ATG4B: variants seen among roughly 807,000 people sequenced by gnomAD.
The protein encoded by ATG4B is autophagy related 4B cysteine peptidase, also known as cysteine protease ATG4B.
ATG4B carries 29 observed loss-of-function variants against 56.6 expected under a neutral mutation model. The ratio of observed to expected loss-of-function variants is 0.51; its 90% CI spans 0.38 to 0.70. The LOEUF (loss-of-function observed/expected upper bound fraction) is 0.70. Ranked by LOEUF, ATG4B falls within the 30% of genes least tolerant of loss-of-function variation. The probability of loss-of-function intolerance (pLI) is 0.00; values close to 1 mark genes in which losing one functional copy is unlikely to be tolerated. For missense variants in ATG4B, 461 were observed against 515.5 expected, an observed-to-expected ratio of 0.89 and a Z score of 1.02; for synonymous variants, 224 against 206.1, an observed-to-expected ratio of 1.09 and a Z score of -0.74.
In ATG4B at chr2:241,655,263, C is replaced by T. The variant is rs995715972; in HGVS notation, c.386-8C>T. ...TGTGTGTTGCTAATGTGTATCTGTT[C>T]CCTGCAGCGCAAATGGGAGTTGGCG... On this transcript the variant is annotated splice_region_variant and splice_polypyrimidine_tract_variant and intron_variant, in intron 5 of 12. Transcript: ENST00000404914. 6.2e-7 allele frequency: 1 copy of T among 1,608,564 alleles called. No homozygotes were observed. The highest frequency in any genetic ancestry group is 1.7e-5 in the Admixed American group (1 of 59,208).
intron 7 of ATG4B, among the ~76,000 whole-genome samples, chr2:241,666,217 G>A (rs972508943): frequency 2.0e-5 from 3 of 152,204 alleles, no homozygotes; most frequent in Non-Finnish European, 2.9e-5. Flanking sequence ...TGTGTCCTCC[G>A]GACCATTGAC....
At chr2:241,665,121 A>G (rs1490942044) in intron 7 of ATG4B, among the ~76,000 whole-genome samples, 3 of 152,204 alleles carry the variant, frequency 2.0e-5, no homozygotes, top group Non-Finnish European at 4.4e-5. Context: ...CCCCGTCTCT[A>G]AAAGAAATTT....
rs896919434 is a variant in ATG4B at position 241,661,696 on chromosome 2, A to G, written c.538+2509A>G. On this transcript the variant is annotated intron_variant, in intron 7 of 12. Transcript: ENST00000404914. ...GTGTTCCCACTCAGATTTTAGGTGA[A>G]GCCTGTGGGGTAAGGGGAGACCTTA... 2.6e-5 allele frequency among the ~76,000 whole-genome samples: 4 copies of G among 152,166 alleles called. No individual in the cohort carries two copies. In the East Asian group the frequency reaches 7.7e-4, roughly 29 times the overall value.
chr2:241,655,152 T>G, intron 5 of ATG4B, 119 bp from the exon 6 acceptor site: 2 of 953,792 alleles, frequency 2.1e-6, no homozygotes, highest in South Asian at 3.0e-5. Flanking sequence ...TCCTTCCGTC[T>G]GGAGGCTGGG....
chr2:241,671,584 GC>G (rs1334510249), intron 12 of ATG4B, 179 bp downstream of exon 12: 1 of 1,520,284 alleles, frequency 6.6e-7, no homozygotes, highest in Non-Finnish European at 8.8e-7. Flanking sequence ...CTCCAAGCTT[GC>G]GCCCAGCAGC....
intron 3 of ATG4B, among the ~76,000 whole-genome samples, chr2:241,653,149 A>C (rs563193933): frequency 6.6e-6 from 1 of 152,244 alleles, no homozygotes; most frequent in Admixed American, 6.5e-5. Flanking sequence ...GATGTCATCA[A>C]GCGTTTGAAT....
rs541550072 is a variant in ATG4B at position 241,651,032 on chromosome 2, C to G, written c.33C>G (p.Leu11=). The G allele has an allele frequency of 1.9e-6, 3 of 1,613,788 alleles. No homozygotes were observed. The African/African-American group carries it at 4.0e-5, about 22-fold the overall frequency. MDAATLTYDT[L]RFAEFEDFPE... is the part of the protein sequence containing the mutation. ...CAGCTACTCTGACCTACGACACTCTCCGGTTTGCTGAGTTTGAAGATTTTC... is the reference window on the plus strand; with the variant it reads ...CAGCTACTCTGACCTACGACACTCTGCGGTTTGCTGAGTTTGAAGATTTTC... Residue 11 remains leucine (L), a synonymous_variant, in exon 2 of 13, where the codon CTC becomes CTG. Transcript: ENST00000404914. The surrounding 1 kb of genome is among the most constrained non-coding windows in gnomAD (Gnocchi z 4.1).
At chr2:241,639,148 C>T (rs898207486) in intron 1 of ATG4B, among the ~76,000 whole-genome samples, 1 of 152,312 alleles carries the variant, frequency 6.6e-6, no homozygotes, top group East Asian at 1.9e-4. Flanking sequence ...AGTGCCGGGT[C>T]CCGCCAGCTG....
In ATG4B at chr2:241,651,426, C is replaced by A. The variant is rs1418278097; in HGVS notation, c.184+91C>A. 2.0e-6 allele frequency: 2 copies of A among 987,406 alleles called. No homozygotes were observed. The highest frequency in any genetic ancestry group is 3.3e-5 in the African/African-American group (2 of 61,246). 61.2% of individuals were successfully genotyped at this position (987,406 alleles called of 1,614,324 possible). A position where few individuals can be genotyped will look rare whatever the true frequency, so the allele number is the denominator to read the frequency against. On this transcript the variant is annotated intron_variant, in intron 3 of 12. Coordinates refer to ENST00000404914, the MANE Select transcript of ATG4B (RefSeq NM_013325.5). The surrounding 1 kb of genome is among the most constrained non-coding windows in gnomAD (Gnocchi z 4.1). ...TTGTAGATTTGACTTCAATATGCCA[C>A]TGACTTCATTTGAATCTTCACAGCA... is the stretch of plus-strand genomic sequence containing the variant.
intron 8 of ATG4B, chr2:241,667,737 C>T (rs976728153): frequency 5.8e-6 from 1 of 172,504 alleles, no homozygotes; most frequent in Non-Finnish European, 1.2e-5. Context: ...GTTGTCTGAA[C>T]TTGGCCCCTC....
chr2:241,653,270 C>T (rs1399110647), intron 3 of ATG4B: 20 of 1,432,290 alleles, frequency 1.4e-5, no homozygotes, highest in Admixed American at 9.9e-5. Context: ...CCTTTTGCTC[C>T]GTGACTGACT....
intron 1 of ATG4B, among the ~76,000 whole-genome samples, chr2:241,648,466 A>G (rs1470024696): frequency 6.6e-6 from 1 of 152,088 alleles, no homozygotes; most frequent in Non-Finnish European, 1.5e-5. Flanking sequence ...GTGGTGGCAC[A>G]TGCCTGTAGT....
At chr2:241,654,419 T>TA (rs201525288) in intron 4 of ATG4B, 127 bp from the exon 5 acceptor site, 6,976 of 436,262 alleles carry the variant, frequency 0.016, 2 homozygotes, top group Non-Finnish European at 0.02. Flanking sequence ...AGACTCTGTT[T>TA]AAAAAAAAAA....
intron 7 of ATG4B, chr2:241,659,399 T>C (rs1345392533): frequency 3.1e-6 from 2 of 646,602 alleles, no homozygotes; most frequent in Non-Finnish European, 5.9e-6. Context: ...GCCCAGGCTG[T>C]CTGGAGGCCG....
At chr2:241,638,713 A>G (rs780277390) in intron 1 of ATG4B, among the ~76,000 whole-genome samples, 7 of 152,212 alleles carry the variant, frequency 4.6e-5, no homozygotes, top group Non-Finnish European at 8.8e-5. Flanking sequence ...ATCTATTAAA[A>G]TGATTTGTAG....
intron 1 of ATG4B, among the ~76,000 whole-genome samples, chr2:241,640,452 A>G (rs766542507): frequency 6.6e-6 from 1 of 152,230 alleles, no homozygotes; most frequent in Non-Finnish European, 1.5e-5. Context: ...TGTGTAATAC[A>G]GTTTCTGTTC....
chr2:241,654,338 T>A (rs1267499172), intron 4 of ATG4B, among the ~76,000 whole-genome samples: 1 of 150,718 alleles, frequency 6.6e-6, no homozygotes, highest in Non-Finnish European at 1.5e-5. Context: ...GGAGAATCGC[T>A]TGAACCCGGG....
intron 1 of ATG4B, among the ~76,000 whole-genome samples, chr2:241,644,081 TCA>T (rs2067991480): frequency 6.6e-6 from 1 of 151,930 alleles, no homozygotes; most frequent in Non-Finnish European, 1.5e-5. Context: ...GTGTGGTGGC[TCA>T]CACTTGTAGT....
chr2:241,649,836 T>A (rs1256044073), intron 1 of ATG4B, among the ~76,000 whole-genome samples: 1 of 149,708 alleles, frequency 6.7e-6, no homozygotes, highest in Non-Finnish European at 1.5e-5. Flanking sequence ...CAGGCTGGAG[T>A]GCAGTGGCAC....
Sources: gnomAD v4.1 joint callset for allele counts (sites outside exome capture counted in the v4.1 genomes callset) on GRCh38, gnomAD v4.1.1 for gene constraint, Gnocchi (gnomAD v3.1) non-coding constraint, MANE v1.5 for transcripts, NCBI Gene and HGNC (gene_info 2026-07-23, HGNC 2026-07-21) for gene names.